Variants in ENKUR observed in about 807,000 individuals in gnomAD.
ENKUR encodes enkurin.
Under a neutral mutation model 27.6 loss-of-function variants are expected in ENKUR, and 19 were observed. The observed-to-expected ratio is 0.69, with a 90% CI of 0.48 to 1.01. The LOEUF is 1.01. ENKUR is among the 50% of genes least tolerant of loss of function. ENKUR has a pLI of 0.00. For missense variants in ENKUR, 312 were observed against 310.5 expected (o/e 1.00, Z -0.04); for synonymous variants, 117 against 96.9 (o/e 1.21, Z -1.22).
At chr10:25,057,744 C>T (rs11014366) in intron 2 of ENKUR, among the ~76,000 whole-genome samples, 134 of 152,144 alleles carry the variant, frequency 8.8e-4, no homozygotes, top group African/African-American at 3.2e-3. Context: ...TTAGTTTCCC[C>T]TTCCTCTTGC....
chr10:24,994,226 T>G (rs1214203316), intron 3 of ENKUR, among the ~76,000 whole-genome samples: 5 of 151,228 alleles, frequency 3.3e-5, no homozygotes, highest in Non-Finnish European at 7.4e-5. Flanking sequence ...TCTTTATCTC[T>G]CTTCCTTTTT....
chr10:25,058,761 TC>T (rs1851291010), intron 2 of ENKUR, among the ~76,000 whole-genome samples: 1 of 152,046 alleles, frequency 6.6e-6, no homozygotes, highest in African/African-American at 2.4e-5. Context: ...TGAAACCCTG[TC>T]TCTACTAACA....
intron 1 of ENKUR, among the ~76,000 whole-genome samples, chr10:25,007,583 C>T (rs371575499): frequency 2.0e-5 from 3 of 152,052 alleles, no homozygotes; most frequent in African/African-American, 4.8e-5. Context: ...TACAGGCGCC[C>T]GCCACCACAC....
chr10:25,034,100 CA>C (rs201253639), intron 2 of ENKUR, among the ~76,000 whole-genome samples: 13 of 147,594 alleles, frequency 8.8e-5, no homozygotes, highest in East Asian at 4.0e-4. Flanking sequence ...GAAAATTATG[CA>C]AAAAAAAATG....
At chr10:25,001,289 C>CT (rs372949506) in intron 1 of ENKUR, among the ~76,000 whole-genome samples, 7 of 151,180 alleles carry the variant, frequency 4.6e-5, no homozygotes, top group South Asian at 2.1e-4. Flanking sequence ...TATAATTTTT[C>CT]TTTTTTTTCC....
At chr10:24,991,660 G>A (rs1849932009) in intron 3 of ENKUR, among the ~76,000 whole-genome samples, 1 of 152,184 alleles carries the variant, frequency 6.6e-6, no homozygotes, top group African/African-American at 2.4e-5. Flanking sequence ...CCCATCTGCT[G>A]AAGCTACTTC....
At chr10:25,009,568 A>G (rs531842196) in intron 1 of ENKUR, among the ~76,000 whole-genome samples, 3 of 152,358 alleles carry the variant, frequency 2.0e-5, no homozygotes, top group Admixed American at 2.0e-4. Context: ...AAGTATTGCT[A>G]TCAGCCTAGA....
chr10:25,001,336 G>A (rs970995633), intron 1 of ENKUR, among the ~76,000 whole-genome samples: 6 of 147,714 alleles, frequency 4.1e-5, no homozygotes, highest in African/African-American at 1.5e-4. Flanking sequence ...TTTATTAATA[G>A]TTTTAATAAA....
At chr10:25,020,259 T>C (rs1850691866), upstream of ENKUR, among the ~76,000 whole-genome samples, 1 of 136,800 alleles carries the variant, frequency 7.3e-6, no homozygotes, top group Non-Finnish European at 1.6e-5. Context: ...TCTATATCTA[T>C]ATCTATATCT....
intron 3 of ENKUR, among the ~76,000 whole-genome samples, chr10:24,995,325 G>T (rs545655716): frequency 7.2e-5 from 11 of 152,250 alleles, no homozygotes; most frequent in African/African-American, 2.6e-4. Flanking sequence ...TTACAGTAAT[G>T]ACTGCTTTTA....
intron 2 of ENKUR, among the ~76,000 whole-genome samples, chr10:25,033,825 G>GTGTCTGTCTATCTA (rs912241465): frequency 6.7e-6 from 1 of 148,620 alleles, no homozygotes; most frequent in African/African-American, 2.5e-5. Flanking sequence ...GTGTGTGTGT[G>GTGTCTGTCTATCTA]TCTATCTATC....
At chr10:25,036,845 C>A in intron 2 of ENKUR, among the ~76,000 whole-genome samples, 1 of 152,098 alleles carries the variant, frequency 6.6e-6, no homozygotes, top group East Asian at 1.9e-4. Context: ...GGATTGGAGC[C>A]CTGGACAATT....
intron 2 of ENKUR, among the ~76,000 whole-genome samples, chr10:25,031,502 A>G (rs1327139697): frequency 6.6e-6 from 1 of 152,232 alleles, no homozygotes; most frequent in Non-Finnish European, 1.5e-5. Flanking sequence ...GTCAACCCAC[A>G]GAACATTGAG....
At chr10:24,990,366 A>G in intron 4 of ENKUR, 97 bp downstream of exon 4, 1 of 1,456,320 alleles carries the variant, frequency 6.9e-7, no homozygotes, top group Non-Finnish European at 9.2e-7. Context: ...TGATTTCAAA[A>G]TCCAAGTGCT....
upstream of ENKUR, among the ~76,000 whole-genome samples, chr10:25,017,755 C>T (rs776897844): frequency 6.6e-6 from 1 of 151,468 alleles, no homozygotes; most frequent in Non-Finnish European, 1.5e-5. Context: ...ATATTTAGAT[C>T]TAGATCCAAA....
intron 2 of ENKUR, among the ~76,000 whole-genome samples, chr10:24,997,723 C>G (rs11014340): frequency 4.7e-4 from 72 of 151,772 alleles, no homozygotes; most frequent in Non-Finnish European, 6.6e-4. Flanking sequence ...TTCTAAAGGC[C>G]AATGAAATTT....
rs539915502 is a variant in ENKUR, at chr10:25,038,088, C to T, written c.37+23024G>A. On this transcript the variant is annotated intron_variant, in intron 2 of 5. Transcript: ENST00000615958. ...ACTTTCTAAATTACATACTATAATA[C>T]GATACTTCCAGTTCTCTCTAGGTAC... 3.3e-4 allele frequency among the ~76,000 whole-genome samples: 50 copies of T among 152,218 alleles called. 1 individual carries two copies. The highest frequency in any genetic ancestry group is 4.6e-4 in the Non-Finnish European group (31 of 68,008).
At chr10:25,013,617 G>T (rs922453358) in intron 1 of ENKUR, among the ~76,000 whole-genome samples, 6 of 152,230 alleles carry the variant, frequency 3.9e-5, no homozygotes, top group African/African-American at 1.4e-4. Context: ...AAGAGGGGAT[G>T]ACTGGAGATA....
In ENKUR at chr10:24,983,140, G is replaced by C. The variant is rs1849705249; in HGVS notation, c.*1230C>G. 6.6e-6 allele frequency: 1 copy of C among 152,196 alleles called. No individual in the cohort carries two copies. Among genetic ancestry groups the C allele is most frequent in the Admixed American group, 6.5e-5 (1 of 15,282 alleles). The allele number at this position is 152,196 out of a possible 1,614,324, so 9.4% of individuals were successfully genotyped here. A position where few individuals can be genotyped will look rare whatever the true frequency, so the allele number is the denominator to read the frequency against. On this transcript the variant is annotated 3_prime_UTR_variant, in exon 6 of 6. Transcript: ENST00000331161. ...GGTCCCTGAGTGACTGCATGGAACA[G>C]ACTTATACCCCTACCCTTAGTCACA...
Sources: allele counts gnomAD v4.1 joint callset (sites outside exome capture counted in the v4.1 genomes callset), GRCh38; gene constraint gnomAD v4.1.1; transcripts MANE v1.5; gene names NCBI Gene and HGNC (gene_info 2026-07-23, HGNC 2026-07-21).